Variants in PDZD2 observed in about 807,000 individuals in gnomAD.
PDZD2 encodes PDZ domain containing 2, also known as PDZ domain-containing protein 2.
Under a neutral mutation model 220.7 loss-of-function variants are expected in PDZD2, and 90 were observed. The observed-to-expected ratio is 0.41, with a 90% CI of 0.34 to 0.49. PDZD2 has a LOEUF of 0.49. PDZD2 is among the 20% of genes least tolerant of loss of function. The probability of loss-of-function intolerance (pLI) is 0.28; values close to 1 mark genes in which losing one functional copy is unlikely to be tolerated. For synonymous variants in PDZD2, 1,375 were observed against 1,450.5 expected, an observed-to-expected ratio of 0.95 and a Z score of 1.18; for missense variants, 3,174 against 3,608.5, an observed-to-expected ratio of 0.88 and a Z score of 3.08.
At chr5:31,736,297 G>A (rs1019693322) in intron 1 of PDZD2, among the ~76,000 whole-genome samples, 3 of 152,194 alleles carry the variant, frequency 2.0e-5, no homozygotes, top group African/African-American at 7.2e-5. Flanking sequence ...CACAGGGCTC[G>A]TGGGTGCTAC....
intron 2 of PDZD2, among the ~76,000 whole-genome samples, chr5:31,915,224 C>A (rs1429203251): frequency 1.3e-5 from 2 of 152,184 alleles, no homozygotes; most frequent in Non-Finnish European, 2.9e-5. Flanking sequence ...GAAATCCCCA[C>A]GTTATTAGAT....
chr5:32,052,812 T>G (rs1295676760), intron 9 of PDZD2, 82 bp downstream of exon 9: 2 of 1,468,098 alleles, frequency 1.4e-6, no homozygotes, highest in Non-Finnish European at 1.9e-6. Context: ...TTATTTGTTT[T>G]TGTGTTTTTG....
chr5:31,943,331 G>T (rs1746371317), intron 2 of PDZD2, among the ~76,000 whole-genome samples: 1 of 152,136 alleles, frequency 6.6e-6, no homozygotes, highest in East Asian at 1.9e-4. Flanking sequence ...ACCCTGAAAA[G>T]GTGCTTATGA....
chr5:32,036,705 T>C (rs1219326910), intron 6 of PDZD2, among the ~76,000 whole-genome samples: 5 of 152,346 alleles, frequency 3.3e-5, no homozygotes, highest in East Asian at 1.9e-4. Context: ...CACAGAACAT[T>C]TGGTTGACTA....
Position 31,718,694 on chromosome 5 carries a change from ATTTTTTTTTTT to A in PDZD2, c.-361+79272_-361+79282del, listed in dbSNP as rs34261021. ...GATTAGGGCCCACTGTAACAGCCTC[ATTTTTTTTTTT>A]TTTTTTTTTTTTTTGAGATGGAGTC... On this transcript the variant is annotated intron_variant, in intron 1 of 24. Coordinates refer to ENST00000438447, the MANE Select transcript of PDZD2 (RefSeq NM_178140.4). Among the ~76,000 whole-genome samples, 511 of 74,700 alleles carry A rather than the reference ATTTTTTTTTTT, an allele frequency of 6.8e-3. 2 individuals carry two copies. Among genetic ancestry groups the A allele is most frequent in the Admixed American group, 9.8e-3 (56 of 5,720 alleles). 49.0% of individuals were successfully genotyped at this position (74,700 alleles called of 152,430 possible). A position where few individuals can be genotyped will look rare whatever the true frequency, so the allele number is the denominator to read the frequency against.
At chr5:31,910,452 G>A (rs1581056256) in intron 2 of PDZD2, among the ~76,000 whole-genome samples, 1 of 147,560 alleles carries the variant, frequency 6.8e-6, no homozygotes, top group East Asian at 2.0e-4. Flanking sequence ...TGTCAACTGG[G>A]CTGGAGTGCA....
At position 32,071,410 on chromosome 5, in the gene PDZD2, G is replaced by T; in HGVS notation, c.2560G>T (p.Ala854Ser). 1.9e-6 allele frequency: 3 copies of T among 1,609,726 alleles called. No individual in the cohort carries two copies. Among genetic ancestry groups the T allele is most frequent in the Non-Finnish European group, 1.7e-6 (2 of 1,176,214 alleles). Residue 854 changes from alanine to serine, a missense_variant, in exon 16 of 25, where the codon GCA becomes TCA. By Grantham distance (99) the Ala-to-Ser change is moderately conservative. Coordinates refer to ENST00000438447, the MANE Select transcript of PDZD2 (RefSeq NM_178140.4). ...LGTPLKSPSL[A>S]KKDSLISESE... ...TACCCCCTTGAAGAGTCCCTCTCTT[G>T]CAAAAAAGGTGAGTCAAGGTGAACT...
At chr5:31,709,549 C>G (rs1352061550) in intron 1 of PDZD2, among the ~76,000 whole-genome samples, 2 of 151,930 alleles carry the variant, frequency 1.3e-5, no homozygotes, top group Admixed American at 6.6e-5. Context: ...GGCCAATTTT[C>G]TCTTCAGCAC....
intron 1 of PDZD2, among the ~76,000 whole-genome samples, chr5:31,683,767 C>T (rs533155990): frequency 1.3e-5 from 2 of 152,218 alleles, no homozygotes; most frequent in South Asian, 2.1e-4. Flanking sequence ...GAGTCTGCAG[C>T]GGACATCCTT....
intron 24 of PDZD2, among the ~76,000 whole-genome samples, chr5:32,102,392 A>ACTGTG (rs139079576): frequency 0.02 from 3,004 of 151,778 alleles, 42 homozygotes; most frequent in Non-Finnish European, 0.033. Context: ...TTGCCAGTAA[A>ACTGTG]CTGTGGTCAC....
intron 2 of PDZD2, among the ~76,000 whole-genome samples, chr5:31,817,425 A>G: frequency 6.7e-6 from 1 of 148,738 alleles, no homozygotes; most frequent in East Asian, 2.1e-4. Context: ...ATCCAGAGGC[A>G]GAGGCTGCAG....
rs1459196669 is a variant in PDZD2 at position 31,936,040 on chromosome 5, T to G, written c.477-47115T>G. The G allele has an allele frequency of 9.3e-6, 9 of 967,834 alleles. No individual in the cohort carries two copies. The African/African-American group carries it at 1.2e-4, about 13-fold the overall frequency. The allele number at this position is 967,834 out of a possible 1,614,324, so 60.0% of individuals were successfully genotyped here. A position where few individuals can be genotyped will look rare whatever the true frequency, so the allele number is the denominator to read the frequency against. On this transcript the variant is annotated intron_variant, in intron 2 of 24. Transcript: ENST00000438447. The stretch of plus-strand genomic sequence containing the variant: ...GGCTCCTTCTCTTACAAACACAGCG[T>G]GGCTGGATGCATTCATAAATGAAAA...
intron 2 of PDZD2, among the ~76,000 whole-genome samples, chr5:31,942,870 A>G (rs1746325992): frequency 6.6e-6 from 1 of 152,166 alleles, no homozygotes; most frequent in South Asian, 2.1e-4. Context: ...AAAATAGCCT[A>G]CAGAACAGTC....
chr5:31,931,178 A>C (rs1262186875), intron 2 of PDZD2, among the ~76,000 whole-genome samples: 1 of 152,076 alleles, frequency 6.6e-6, no homozygotes, highest in African/African-American at 2.4e-5. Context: ...ACGTACCACC[A>C]CACCTGGCTA....
chr5:31,905,569 C>A (rs923133019), intron 2 of PDZD2, among the ~76,000 whole-genome samples: 2 of 152,190 alleles, frequency 1.3e-5, no homozygotes, highest in African/African-American at 2.4e-5. Flanking sequence ...CCAGCAGACC[C>A]CTGGTCAAAC....
intron 1 of PDZD2, among the ~76,000 whole-genome samples, chr5:31,765,542 G>A (rs187093450): frequency 6.8e-4 from 103 of 152,308 alleles, no homozygotes; most frequent in African/African-American, 2.2e-3. Flanking sequence ...TCTGAAAAAT[G>A]TAGCTCGGGA....
chr5:32,009,831 C>T (rs1459377522), intron 5 of PDZD2, among the ~76,000 whole-genome samples: 1 of 152,136 alleles, frequency 6.6e-6, no homozygotes, highest in East Asian at 1.9e-4. Flanking sequence ...GTGGCTCACG[C>T]CTGTAATCCC....
intron 10 of PDZD2, among the ~76,000 whole-genome samples, chr5:32,054,338 T>TTA (rs1554034160): frequency 0.016 from 1,971 of 125,728 alleles, 117 homozygotes; most frequent in African/African-American, 0.053. Context: ...TTTTTTTTTT[T>TTA]AATGAGACAG....
chr5:31,908,420 T>C, intron 2 of PDZD2: 1 of 537,478 alleles, frequency 1.9e-6, no homozygotes, highest in Non-Finnish European at 3.4e-6. Context: ...ATCCGGGAGA[T>C]CTCAGACTGG....
Sources: gnomAD v4.1 joint callset for allele counts (sites outside exome capture counted in the v4.1 genomes callset) on GRCh38, gnomAD v4.1.1 for gene constraint, MANE v1.5 for transcripts, NCBI Gene and HGNC (gene_info 2026-07-23, HGNC 2026-07-21) for gene names.